Variants in WASF3 observed in about 807,000 individuals in gnomAD.
WASF3 encodes the protein actin-binding protein WASF3.
A neutral mutation model predicts 46.6 loss-of-function variants in WASF3; 11 were observed. The ratio of observed to expected loss-of-function variants is 0.24; its 90% CI spans 0.15 to 0.39. The LOEUF (loss-of-function observed/expected upper bound fraction) is 0.39. Ranked by LOEUF, WASF3 falls within the 10% of genes least tolerant of loss-of-function variation. The pLI is 1.00. For synonymous variants in WASF3, 242 were observed against 259.7 expected (o/e 0.93, Z 0.65); for missense variants, 576 against 669.8 (o/e 0.86, Z 1.55).
intron 1 of WASF3, among the ~76,000 whole-genome samples, chr13:26,590,762 C>G (rs1047647807): frequency 6.6e-6 from 1 of 152,196 alleles, no homozygotes; most frequent in African/African-American, 2.4e-5. Flanking sequence ...ATGCACTGAT[C>G]TGGGCACTGG....
At chr13:26,578,622 C>T (rs952467741) in intron 1 of WASF3, among the ~76,000 whole-genome samples, 5 of 152,112 alleles carry the variant, frequency 3.3e-5, no homozygotes, top group African/African-American at 1.2e-4. Flanking sequence ...GAATAATGTC[C>T]CTTAAAGGTG....
chr13:26,683,890 G>C (rs964839387), intron 9 of WASF3, among the ~76,000 whole-genome samples: 1 of 152,190 alleles, frequency 6.6e-6, no homozygotes, highest in African/African-American at 2.4e-5. Context: ...TCTTAACCAG[G>C]TCCCAACCCA....
At chr13:26,678,741 G>A (rs1314601967) in intron 7 of WASF3, among the ~76,000 whole-genome samples, 2 of 152,180 alleles carry the variant, frequency 1.3e-5, no homozygotes. Context: ...CCTGCTGTAT[G>A]ACCAGCTCTC....
At chr13:26,670,056 C>G (rs926563889) in intron 5 of WASF3, among the ~76,000 whole-genome samples, 1 of 152,126 alleles carries the variant, frequency 6.6e-6, no homozygotes, top group African/African-American at 2.4e-5. Context: ...CACATGCACA[C>G]GTATGTTTAT....
At chr13:26,588,340 AGGTTTATGTTTTCACT>A (rs925845725) in intron 1 of WASF3, among the ~76,000 whole-genome samples, 2 of 152,192 alleles carry the variant, frequency 1.3e-5, no homozygotes, top group Non-Finnish European at 2.9e-5. Flanking sequence ...ATGTGATGTG[AGGTTTATGTTTTCACT>A]GTTTAAAAAC....
At chr13:26,564,384 G>A (rs191193504) in intron 1 of WASF3, among the ~76,000 whole-genome samples, 2 of 152,164 alleles carry the variant, frequency 1.3e-5, no homozygotes, top group African/African-American at 4.8e-5. Flanking sequence ...TTTCACTGTG[G>A]TAACACTTGG....
intron 3 of WASF3, among the ~76,000 whole-genome samples, chr13:26,661,647 TG>T (rs1882633766): frequency 6.6e-6 from 1 of 152,212 alleles, no homozygotes; most frequent in Non-Finnish European, 1.5e-5. Flanking sequence ...GTAGAGTTGC[TG>T]GGTCATATGT....
intron 3 of WASF3, among the ~76,000 whole-genome samples, chr13:26,646,672 G>C (rs1882159600): frequency 6.6e-6 from 1 of 152,126 alleles, no homozygotes; most frequent in Non-Finnish European, 1.5e-5. Flanking sequence ...ATGTATCTTA[G>C]GGGAAACACC....
chr13:26,677,509 C>T (rs954970520), intron 7 of WASF3, among the ~76,000 whole-genome samples: 11 of 152,192 alleles, frequency 7.2e-5, no homozygotes, highest in African/African-American at 2.7e-4. Context: ...ACAACAGCAA[C>T]CTGGACTTTG....
chr13:26,546,549 A>G, the WASF3 span, among the ~76,000 whole-genome samples: 1 of 152,080 alleles, frequency 6.6e-6, no homozygotes, highest in Non-Finnish European at 1.5e-5. Context: ...CGTCTCTACT[A>G]AAAATACAAA....
intron 1 of WASF3, among the ~76,000 whole-genome samples, chr13:26,582,676 CAAAAAAAAAAAAA>C (rs398022033): frequency 1.9e-5 from 1 of 53,400 alleles, no homozygotes; most frequent in South Asian, 1.2e-3. Context: ...GACTCCGTCT[CAAAAAAAAAAAAA>C]AAAAAAAAAA....
chr13:26,553,957 A>G (rs1434926789), upstream of WASF3, among the ~76,000 whole-genome samples: 1 of 151,908 alleles, frequency 6.6e-6, no homozygotes, highest in Non-Finnish European at 1.5e-5. Context: ...TTTAATATAA[A>G]AAGTCAGGAA....
intron 3 of WASF3, among the ~76,000 whole-genome samples, chr13:26,649,809 G>A (rs1367779300): frequency 2.0e-5 from 3 of 152,094 alleles, no homozygotes; most frequent in Admixed American, 6.5e-5. Flanking sequence ...ATCTGGGCAC[G>A]GTGGCTCACA....
At chr13:26,635,349 G>A (rs1881785489) in intron 2 of WASF3, among the ~76,000 whole-genome samples, 1 of 152,148 alleles carries the variant, frequency 6.6e-6, no homozygotes, top group Non-Finnish European at 1.5e-5. Context: ...GGTCATTTAA[G>A]TTCTTCTATA....
rs144227958 is a variant in WASF3, at chr13:26,637,433, GCTCTTA to G, written c.-10-4823_-10-4818del. 6.9e-3 allele frequency among the ~76,000 whole-genome samples: 1,057 copies of G among 152,206 alleles called. 9 individuals carry two copies. Among genetic ancestry groups the G allele is most frequent in the African/African-American group, 0.024 (979 of 41,534 alleles). On this transcript the variant is annotated intron_variant, in intron 2 of 9. Coordinates refer to ENST00000335327, the MANE Select transcript of WASF3 (RefSeq NM_006646.6). ...CTTGGCTGAGATTTAAACATTTCCA[GCTCTTA>G]CTCTCACAACTGGACCTTGGAAATG...
At chr13:26,541,447 T>G in the WASF3 span, among the ~76,000 whole-genome samples, 9 of 152,320 alleles carry the variant, frequency 5.9e-5, no homozygotes, top group African/African-American at 2.2e-4. Flanking sequence ...GATAATCTCA[T>G]AGGAATATTC....
chr13:26,574,840 CT>C (rs546925714), intron 1 of WASF3, among the ~76,000 whole-genome samples: 241 of 142,192 alleles, frequency 1.7e-3, no homozygotes, highest in Non-Finnish European at 1.6e-3. Flanking sequence ...TTAACCCCTT[CT>C]TTTTTTTTTT....
intron 2 of WASF3, chr13:26,619,007 G>A (rs755759040): frequency 6.6e-6 from 1 of 152,108 alleles, no homozygotes; most frequent in Non-Finnish European, 1.5e-5. Flanking sequence ...TTGTAGTCCT[G>A]TAGTATTGTT....
At chr13:26,666,339 T>G (rs1448642005) in intron 4 of WASF3, among the ~76,000 whole-genome samples, 1 of 152,236 alleles carries the variant, frequency 6.6e-6, no homozygotes, top group Non-Finnish European at 1.5e-5. Context: ...TAGAAAAGAT[T>G]AATTGGTAAA....
Sources: gnomAD v4.1 joint callset for allele counts (sites outside exome capture counted in the v4.1 genomes callset) on GRCh38, gnomAD v4.1.1 for gene constraint, MANE v1.5 for transcripts, NCBI Gene and HGNC (gene_info 2026-07-23, HGNC 2026-07-21) for gene names.